Variants in FAM171B observed in about 807,000 individuals in gnomAD.
FAM171B encodes family with sequence similarity 171 member B.
In FAM171B, 19 loss-of-function variants were observed where a neutral mutation model predicts 75.6. The ratio of observed to expected loss-of-function variants is 0.25; its 90% CI spans 0.18 to 0.37. FAM171B has a LOEUF of 0.37. Among genes scored for constraint, FAM171B ranks in the 10% least tolerant of loss-of-function variants. The pLI, the probability that FAM171B is intolerant of heterozygous loss-of-function variation, is 1.00. For missense variants in FAM171B, 848 were observed against 982.4 expected, an observed-to-expected ratio of 0.86 and a Z score of 1.83; for synonymous variants, 367 against 361.7, an observed-to-expected ratio of 1.01 and a Z score of -0.17.
chr2:186,747,076 G>T lies in FAM171B; in HGVS notation c.566-16G>T, dbSNP rs756880580. On this transcript the variant is annotated splice_polypyrimidine_tract_variant and intron_variant, in intron 3 of 7. Transcript: ENST00000304698. ...ATGCCTTTATCTCTTTGTTAATGAG[G>T]TTTCCTTTTTTCCAGATGCCAAGTC... 3.9e-6 allele frequency: 6 copies of T among 1,550,246 alleles called. No individual in the cohort carries two copies. Among genetic ancestry groups the T allele is most frequent in the African/African-American group, 1.4e-5 (1 of 71,966 alleles).
intron 6 of FAM171B, among the ~76,000 whole-genome samples, chr2:186,760,889 T>C (rs1690604325): frequency 1.3e-5 from 2 of 152,146 alleles, no homozygotes; most frequent in African/African-American, 4.8e-5. Flanking sequence ...AGCCACACCA[T>C]GCAAACTCAT....
At chr2:186,731,181 C>CTT (rs1347458506) in intron 1 of FAM171B, among the ~76,000 whole-genome samples, 1 of 152,126 alleles carries the variant, frequency 6.6e-6, no homozygotes, top group Non-Finnish European at 1.5e-5. Flanking sequence ...AAATAGTATC[C>CTT]TTTATTTACA....
At chr2:186,739,117 C>T (rs941070937) in intron 1 of FAM171B, among the ~76,000 whole-genome samples, 2 of 152,100 alleles carry the variant, frequency 1.3e-5, no homozygotes, top group African/African-American at 2.4e-5. Context: ...AAAGGCACAA[C>T]AGAAAGACCA....
At chr2:186,754,099 C>T in intron 6 of FAM171B, 50 bp downstream of exon 6, 2 of 1,383,510 alleles carry the variant, frequency 1.4e-6, no homozygotes, top group South Asian at 2.6e-5. Flanking sequence ...AATAGTCTTG[C>T]TGGAACGGAT....
chr2:186,752,382 A>T (rs1690469637), intron 5 of FAM171B, among the ~76,000 whole-genome samples: 1 of 152,198 alleles, frequency 6.6e-6, no homozygotes, highest in African/African-American at 2.4e-5. Flanking sequence ...ACTATAGAGA[A>T]TATAAGCAGT....
intron 1 of FAM171B, among the ~76,000 whole-genome samples, chr2:186,705,569 AAAAC>A (rs1689722717): frequency 6.6e-6 from 1 of 152,200 alleles, no homozygotes; most frequent in African/African-American, 2.4e-5. Flanking sequence ...AAGGGGTCAG[AAAAC>A]CTACCATGGT....
At chr2:186,739,372 T>C (rs1259606172) in intron 1 of FAM171B, among the ~76,000 whole-genome samples, 1 of 152,230 alleles carries the variant, frequency 6.6e-6, no homozygotes, top group Non-Finnish European at 1.5e-5. Context: ...TTACTGAAAC[T>C]TAAACTTTTT....
rs778222422 is a variant in FAM171B, at chr2:186,761,999, C to A, written c.1657C>A (p.Gln553Lys). The part of the protein sequence containing the change: ...QTSDLFSTPE[Q>K]LHTAKSATLP... The stretch of plus-strand genomic sequence containing the variant: ...ATCTGACCTTTTCTCCACACCGGAA[C>A]AATTACATACTGCTAAGTCAGCTAC... Residue 553 changes from glutamine (Q) to lysine (K), a missense_variant, in exon 8 of 8, where the codon CAA becomes AAA. Physicochemically the swap from Gln to Lys is moderately conservative, Grantham distance 53. Transcript: ENST00000304698. 17 of 1,613,452 alleles carry A rather than the reference C, an allele frequency of 1.1e-5. No individual in the cohort carries two copies. Among genetic ancestry groups the A allele is most frequent in the African/African-American group, 2.7e-5 (2 of 74,872 alleles).
At chr2:186,740,582 G>A in intron 2 of FAM171B, 121 bp downstream of exon 2, 2 of 819,498 alleles carry the variant, frequency 2.4e-6, no homozygotes, top group Non-Finnish European at 3.8e-6. Context: ...TCAACATAAG[G>A]AGGTTACAAG....
intron 1 of FAM171B, among the ~76,000 whole-genome samples, chr2:186,702,375 T>C (rs1022545406): frequency 6.6e-6 from 1 of 152,226 alleles, no homozygotes; most frequent in African/African-American, 2.4e-5. Flanking sequence ...CATTGTCATA[T>C]ATGTGGTCTG....
chr2:186,748,241 A>T (rs1233809673), intron 4 of FAM171B, among the ~76,000 whole-genome samples: 1 of 150,044 alleles, frequency 6.7e-6, no homozygotes, highest in African/African-American at 2.5e-5. Context: ...CATTTTTACC[A>T]CTCATTGTAA....
chr2:186,720,776 C>G (rs767175198), intron 1 of FAM171B, among the ~76,000 whole-genome samples: 1 of 149,818 alleles, frequency 6.7e-6, no homozygotes, highest in East Asian at 2.0e-4. Flanking sequence ...GTACCCAAAC[C>G]CTGAGTTAAC....
chr2:186,694,073 G>C lies in FAM171B; in HGVS notation c.-101G>C, dbSNP rs1212496944. 7.3e-6 allele frequency: 10 copies of C among 1,365,448 alleles called. No homozygotes were observed. The highest frequency in any genetic ancestry group is 9.4e-6 in the Non-Finnish European group (10 of 1,061,542). 84.6% of individuals were successfully genotyped at this position (1,365,448 alleles called of 1,614,324 possible). On this transcript the variant is annotated 5_prime_UTR_variant, in exon 1 of 8. Transcript: ENST00000304698. ...AGGGAGTGCTTGGCAGATTGCGCGA[G>C]GGGGAGCGAGCGAGCGGGCGCTGCC...
intron 3 of FAM171B, 68 bp from the exon 4 acceptor site, chr2:186,747,024 A>G: frequency 1.7e-6 from 2 of 1,201,826 alleles, no homozygotes; most frequent in South Asian, 1.7e-5. Context: ...AAAGTAAGAC[A>G]TCCTGACCAA....
intron 6 of FAM171B, among the ~76,000 whole-genome samples, chr2:186,758,015 G>A (rs972001822): frequency 6.6e-6 from 1 of 152,102 alleles, no homozygotes; most frequent in Non-Finnish European, 1.5e-5. Flanking sequence ...GTGCTTGTTT[G>A]TCTATTAAAT....
chr2:186,738,246 CTTGT>C (rs550229231), intron 1 of FAM171B, among the ~76,000 whole-genome samples: 2 of 152,184 alleles, frequency 1.3e-5, no homozygotes, highest in Non-Finnish European at 2.9e-5. Flanking sequence ...AGGGTTACAG[CTTGT>C]TTGTTTCTGC....
chr2:186,738,698 C>T (rs560151791), intron 1 of FAM171B, among the ~76,000 whole-genome samples: 2 of 152,220 alleles, frequency 1.3e-5, no homozygotes, highest in Admixed American at 1.3e-4. Flanking sequence ...TGTCTGTCTC[C>T]TGTTGCTATT....
rs1245100444 is a variant in FAM171B, at chr2:186,764,657, T to G, written c.*1834T>G. ...ATTATTAGAAGGATATAACATCTTT[T>G]TTAAGTGTGCATTTTCTTTCAGTTA... On this transcript the variant is annotated 3_prime_UTR_variant, in exon 8 of 8. Transcript: ENST00000304698. The G allele has an allele frequency of 6.6e-6, 1 of 151,796 alleles. No individual in the cohort carries two copies. Among genetic ancestry groups the G allele is most frequent in the African/African-American group, 2.4e-5 (1 of 41,412 alleles). 9.4% of individuals were successfully genotyped at this position (151,796 alleles called of 1,614,324 possible).
intron 1 of FAM171B, among the ~76,000 whole-genome samples, chr2:186,694,960 C>T (rs1457757244): frequency 6.6e-6 from 1 of 152,106 alleles, no homozygotes; most frequent in Non-Finnish European, 1.5e-5. Context: ...TTATTTATTT[C>T]TCTTTCTCTT....
Sources: gnomAD v4.1 joint callset for allele counts (sites outside exome capture counted in the v4.1 genomes callset) on GRCh38, gnomAD v4.1.1 for gene constraint, MANE v1.5 for transcripts, NCBI Gene and HGNC (gene_info 2026-07-23, HGNC 2026-07-21) for gene names.